ICA1L: variants seen among roughly 807,000 people sequenced by gnomAD.
ICA1L encodes the protein islet cell autoantigen 1 like, also known as islet cell autoantigen 1-like protein.
In ICA1L, 50 loss-of-function variants were observed where a neutral mutation model predicts 61.3. That is an observed-to-expected ratio of 0.82 (90% CI 0.65 to 1.03). The LOEUF is 1.03. Among genes scored for constraint, ICA1L ranks in the 50% least tolerant of loss-of-function variants. The pLI is 0.00. For missense variants in ICA1L, 508 were observed against 556.7 expected (o/e 0.91, Z 0.88); for synonymous variants, 161 against 191.3 (o/e 0.84, Z 1.31).
chr2:202,795,007 A>AT (rs1022047673), intron 10 of ICA1L, among the ~76,000 whole-genome samples: 1 of 25,154 alleles, frequency 4.0e-5, no homozygotes, highest in Non-Finnish European at 8.0e-5. Flanking sequence ...TAAGAAAATA[A>AT]TAAAAAAAAA....
intron 1 of ICA1L, among the ~76,000 whole-genome samples, chr2:202,837,640 C>G (rs1048342167): frequency 6.6e-6 from 1 of 151,954 alleles, no homozygotes; most frequent in Non-Finnish European, 1.5e-5. Context: ...TATTTCTGCT[C>G]TGATATTTAT....
chr2:202,805,894 T>C (rs551831300), intron 9 of ICA1L, among the ~76,000 whole-genome samples: 1 of 152,348 alleles, frequency 6.6e-6, no homozygotes, highest in South Asian at 2.1e-4. Context: ...GTTCTGTATT[T>C]GTGGGGTATA....
chr2:202,799,091 G>A lies in ICA1L; in HGVS notation c.911-2127C>T, dbSNP rs533848088. Among the ~76,000 whole-genome samples, 5 of 152,286 alleles carry A rather than the reference G, an allele frequency of 3.3e-5. No individual in the cohort carries two copies. The South Asian group carries it at 6.2e-4, about 19-fold the overall frequency. On this transcript the variant is annotated intron_variant, in intron 9 of 12. Transcript: ENST00000358299. ...ATACTAATGCAATAATCGTGCAAGT[G>A]CAGGTATCATTTTGATATATTAATT...
intron 1 of ICA1L, among the ~76,000 whole-genome samples, chr2:202,850,905 G>A (rs13431889): frequency 4.6e-5 from 7 of 152,054 alleles, no homozygotes; most frequent in Admixed American, 1.3e-4. Flanking sequence ...TCAGGTTACC[G>A]ACAAAGGGAA....
intron 2 of ICA1L, 97 bp from the exon 3 acceptor site, chr2:202,825,864 G>T: frequency 1.5e-6 from 1 of 665,122 alleles, no homozygotes; most frequent in Non-Finnish European, 2.3e-6. Context: ...TAAGTATTAT[G>T]TCTGTTTTAA....
intron 1 of ICA1L, among the ~76,000 whole-genome samples, chr2:202,851,011 T>G (rs1266614778): frequency 7.0e-6 from 1 of 143,788 alleles, no homozygotes; most frequent in Non-Finnish European, 1.5e-5. Context: ...AATAATTTTC[T>G]TTTTTTTTTT....
intron 10 of ICA1L, among the ~76,000 whole-genome samples, chr2:202,792,576 G>A (rs1490526242): frequency 3.3e-5 from 5 of 152,070 alleles, no homozygotes; most frequent in Non-Finnish European, 5.9e-5. Context: ...AGGCTGAGGC[G>A]GGCAGATCAC....
At chr2:202,835,809 C>T (rs200143470) in intron 1 of ICA1L, among the ~76,000 whole-genome samples, 2 of 152,190 alleles carry the variant, frequency 1.3e-5, no homozygotes, top group South Asian at 2.1e-4. Flanking sequence ...CTCAGCCTCC[C>T]AACGTCCTGG....
chr2:202,815,945 A>G lies in ICA1L; in HGVS notation c.749T>C (p.Ile250Thr). The G allele has an allele frequency of 6.2e-7, 1 of 1,604,182 alleles. No homozygotes were observed. Among genetic ancestry groups the G allele is most frequent in the African/African-American group, 1.3e-5 (1 of 74,308 alleles). Residue 250 changes from isoleucine (I) to threonine (T), a missense_variant, in exon 7 of 13, where the codon ATT becomes ACT. Physicochemically the swap from Ile to Thr is moderately conservative, Grantham distance 89. Transcript: ENST00000358299. The stretch of plus-strand genomic sequence containing the variant: ...TACAAAATCATACGGATGAAAGCCA[A>G]TACAGGCTTCATGAATTTGGGACAT... Reference protein sequence around the residue: ...RMMSQIHEACIGFHPYDFVAL... With the variant: ...RMMSQIHEACTGFHPYDFVAL...
At position 202,802,427 on chromosome 2, in the gene ICA1L, T is replaced by G. The variant is rs548604931; in HGVS notation, c.911-5463A>C. On this transcript the variant is annotated intron_variant, in intron 9 of 12. Transcript: ENST00000358299. ...AAGATAATAGTTGAGTCATGCATAT[T>G]TTATCACACTAAAAAAAATAATGGT... Among the ~76,000 whole-genome samples the G allele has an allele frequency of 1.0e-3, 157 of 152,180 alleles. 4 individuals carry two copies. The highest frequency in any genetic ancestry group is 6.8e-3 in the Middle Eastern group (2 of 294).
intron 1 of ICA1L, among the ~76,000 whole-genome samples, chr2:202,864,627 ATGTG>A (rs566451955): frequency 5.3e-5 from 8 of 150,280 alleles, no homozygotes; most frequent in Admixed American, 1.3e-4. Context: ...GTATATATAT[ATGTG>A]TGTGTGTGTG....
intron 9 of ICA1L, among the ~76,000 whole-genome samples, chr2:202,809,833 T>G (rs1278223681): frequency 4.6e-5 from 7 of 151,940 alleles, no homozygotes; most frequent in Non-Finnish European, 8.8e-5. Context: ...GAAGCATGCC[T>G]ACAGGATCTA....
intron 11 of ICA1L, among the ~76,000 whole-genome samples, chr2:202,786,341 T>G (rs2105819028): frequency 1.3e-5 from 2 of 151,018 alleles, no homozygotes; most frequent in East Asian, 3.9e-4. Context: ...GGTCAGGAGA[T>G]CGAGACCATC....
At chr2:202,842,478 C>A (rs1345562198) in intron 1 of ICA1L, among the ~76,000 whole-genome samples, 1 of 152,198 alleles carries the variant, frequency 6.6e-6, no homozygotes, top group Non-Finnish European at 1.5e-5. Context: ...AATTTATCAT[C>A]CCACTCTCTA....
intron 1 of ICA1L, chr2:202,840,355 C>A: frequency 2.1e-6 from 1 of 486,806 alleles, no homozygotes; most frequent in Non-Finnish European, 4.0e-6. Context: ...CATCAGAGGA[C>A]TCGGACACCA....
rs563373686 is a variant in ICA1L at position 202,839,472 on chromosome 2, C to A, written c.-7-10456G>T. Among the ~76,000 whole-genome samples the A allele has an allele frequency of 1.9e-3, 271 of 140,436 alleles. 1 individual carries two copies. Among genetic ancestry groups the A allele is most frequent in the African/African-American group, 6.9e-3 (255 of 37,136 alleles). 92.1% of individuals were successfully genotyped at this position (140,436 alleles called of 152,430 possible). ...CAAGAGTGCACCACTGCACTCCAGC[C>A]TGGGCAACAGAGTGAGACTCCGTCT... On this transcript the variant is annotated intron_variant, in intron 1 of 12. Transcript: ENST00000358299.
intron 1 of ICA1L, chr2:202,844,643 A>G (rs1331733863): frequency 1.3e-5 from 2 of 152,212 alleles, no homozygotes; most frequent in East Asian, 3.9e-4. Context: ...TTTGCTTCCC[A>G]AATTTACCAG....
chr2:202,796,598 A>G (rs1201482246), intron 10 of ICA1L, among the ~76,000 whole-genome samples: 3 of 152,226 alleles, frequency 2.0e-5, no homozygotes, highest in Non-Finnish European at 4.4e-5. Flanking sequence ...AATTGTATTC[A>G]TTCATTCAAC....
chr2:202,814,897 C>T (rs1559136151), intron 7 of ICA1L, 113 bp from the exon 8 acceptor site: 1 of 722,406 alleles, frequency 1.4e-6, no homozygotes, highest in Non-Finnish European at 2.3e-6. Flanking sequence ...AAGTTCTGAA[C>T]TAGAGAGTGA....
Sources: allele counts gnomAD v4.1 joint callset (sites outside exome capture counted in the v4.1 genomes callset), GRCh38; gene constraint gnomAD v4.1.1; transcripts MANE v1.5; gene names NCBI Gene and HGNC (gene_info 2026-07-23, HGNC 2026-07-21).